The following ADAMTS19 variants were observed in gnomAD, a reference collection of about 807,000 sequenced individuals.
ADAMTS19 encodes the protein A disintegrin and metalloproteinase with thrombospondin motifs 19.
ADAMTS19 carries 93 observed loss-of-function variants against 153.3 expected under a neutral mutation model. The observed-to-expected ratio is 0.61, with a 90% CI of 0.51 to 0.72. ADAMTS19 has a LOEUF of 0.72. ADAMTS19 is among the 30% of genes least tolerant of loss of function. The pLI, the probability that ADAMTS19 is intolerant of heterozygous loss-of-function variation, is 0.00. For missense variants in ADAMTS19, 1,482 were observed against 1,552.1 expected, an observed-to-expected ratio of 0.95 and a Z score of 0.76; for synonymous variants, 600 against 556.6, an observed-to-expected ratio of 1.08 and a Z score of -1.10.
intron 3 of ADAMTS19, among the ~76,000 whole-genome samples, chr5:129,517,577 A>G (rs1261954026): frequency 1.3e-5 from 2 of 151,638 alleles, no homozygotes; most frequent in African/African-American, 4.8e-5. Context: ...CTTGAAATCT[A>G]TTTTGTCTGA....
rs73232332 is a variant in ADAMTS19, at chr5:129,619,653, A to G, written c.1479-965A>G. On this transcript the variant is annotated intron_variant, in intron 8 of 22. Transcript: ENST00000274487. ...CAGGGTAGGAGGAGGGGAAGGGAGA[A>G]TGTTGGTAAAGATTAGAGGGACAGA... Among the ~76,000 whole-genome samples the G allele has an allele frequency of 7.8e-3, 1,181 of 152,058 alleles. 15 individuals are homozygous for G. The highest frequency in any genetic ancestry group is 0.027 in the African/African-American group (1,132 of 41,534).
At chr5:129,674,121 C>A (rs1242513396) in intron 16 of ADAMTS19, among the ~76,000 whole-genome samples, 1 of 151,974 alleles carries the variant, frequency 6.6e-6, no homozygotes, top group Non-Finnish European at 1.5e-5. Context: ...ATCCCAGCTA[C>A]TCAGGAGGCT....
At chr5:129,677,800 CT>C in intron 16 of ADAMTS19, among the ~76,000 whole-genome samples, 2 of 152,156 alleles carry the variant, frequency 1.3e-5, no homozygotes, top group African/African-American at 4.8e-5. Flanking sequence ...TTTCGAAATA[CT>C]TTAAAGCTTT....
intron 21 of ADAMTS19, 150 bp from the exon 22 acceptor site, chr5:129,734,782 T>C (rs1191922210): frequency 1.5e-6 from 1 of 658,036 alleles, no homozygotes; most frequent in African/African-American, 1.9e-5. Context: ...AGCATCAATG[T>C]TTCTGACCCA....
intron 4 of ADAMTS19, chr5:129,526,658 C>G (rs1752019290): frequency 2.0e-6 from 1 of 494,306 alleles, no homozygotes. Context: ...CTTGTAAACC[C>G]TTGTTAATTT....
rs538374615 is a variant in ADAMTS19 at position 129,650,493 on chromosome 5, G to A, written c.2176+1523G>A. On this transcript the variant is annotated intron_variant, in intron 13 of 22. Coordinates refer to ENST00000274487, the MANE Select transcript of ADAMTS19 (RefSeq NM_133638.6). ...ATTCCACTACTAGTGGTGGTGGGGGGAAATATAGCAGCCACCAGATTACCT... is the reference window on the plus strand; with the variant it reads ...ATTCCACTACTAGTGGTGGTGGGGGAAAATATAGCAGCCACCAGATTACCT... Among the ~76,000 whole-genome samples, 717 of 152,136 alleles carry A rather than the reference G, an allele frequency of 4.7e-3. 8 individuals carry two copies. The highest frequency in any genetic ancestry group is 0.016 in the African/African-American group (668 of 41,492).
Position 129,461,312 on chromosome 5 carries a change from T to C in ADAMTS19, c.302T>C (p.Val101Ala), listed in dbSNP as rs1749646522. 3.8e-6 allele frequency: 5 copies of C among 1,322,776 alleles called. No individual in the cohort carries two copies. Among genetic ancestry groups the C allele is most frequent in the Non-Finnish European group, 4.8e-6 (5 of 1,044,624 alleles). 81.9% of individuals were successfully genotyped at this position (1,322,776 alleles called of 1,614,324 possible). ...SVAPVPLEEP[V>A]EGRSESRLRP... is the part of the protein sequence containing the mutation. ...GCTCCGGTGCCTTTGGAGGAGCCCG[T>C]GGAGGGCCGATCAGAGTCCCGGCTC... is the stretch of plus-strand genomic sequence containing the variant. The change falls in exon 2 of 23, where the codon GTG (valine) becomes GCG (alanine). Residue 101 changes from valine (V) to alanine (A), a missense_variant. Coordinates refer to ENST00000274487, the MANE Select transcript of ADAMTS19 (RefSeq NM_133638.6). This position sits in a 1 kb window ranked among gnomAD's most constrained non-coding sequence, Gnocchi z 4.6.
At chr5:129,671,974 C>G (rs138478091) in intron 16 of ADAMTS19, among the ~76,000 whole-genome samples, 20 of 152,242 alleles carry the variant, frequency 1.3e-4, no homozygotes, top group African/African-American at 4.8e-4. Context: ...GTCATTTAGT[C>G]TCTTTGGGCT....
At chr5:129,561,130 G>T (rs1398870037) in intron 7 of ADAMTS19, among the ~76,000 whole-genome samples, 1 of 152,136 alleles carries the variant, frequency 6.6e-6, no homozygotes, top group East Asian at 1.9e-4. Context: ...ACAAAAATTA[G>T]CTATATTATC....
intron 21 of ADAMTS19, among the ~76,000 whole-genome samples, chr5:129,721,291 A>G (rs1756996658): frequency 6.6e-6 from 1 of 152,234 alleles, no homozygotes; most frequent in African/African-American, 2.4e-5. Flanking sequence ...TATATAAAAT[A>G]ATGAAAATTT....
At chr5:129,694,617 AGTT>A in intron 18 of ADAMTS19, 100 bp from the exon 19 acceptor site, 1 of 769,980 alleles carries the variant, frequency 1.3e-6, no homozygotes, top group Non-Finnish European at 1.7e-6. Flanking sequence ...ATTATAAAAA[AGTT>A]TTTTAAATAA....
chr5:129,475,864 C>T (rs933253714), intron 2 of ADAMTS19, among the ~76,000 whole-genome samples: 34 of 152,194 alleles, frequency 2.2e-4, no homozygotes, highest in African/African-American at 6.3e-4. Context: ...GCCATTCTGG[C>T]CTCTTTATAT....
chr5:129,465,162 T>C (rs1749811824), intron 2 of ADAMTS19, among the ~76,000 whole-genome samples: 1 of 152,170 alleles, frequency 6.6e-6, no homozygotes, highest in Non-Finnish European at 1.5e-5. Context: ...TGGCACTCAA[T>C]AAAAATCACT....
At position 129,658,625 on chromosome 5, in the gene ADAMTS19, CTGTGATGGT is replaced by C; in HGVS notation, c.2315_2323del (p.Cys772_Gly774del). ...TCACTCTCTTGTTACAGAAAGTTGG[CTGTGATGGT>C]TTATTAGGGTCTCTTGCAAGAGAAG... is the stretch of plus-strand genomic sequence containing the variant. On this transcript the variant is annotated inframe_deletion, in exon 15 of 23. Coordinates refer to ENST00000274487, the MANE Select transcript of ADAMTS19 (RefSeq NM_133638.6). 1 of 1,610,414 alleles carries C rather than the reference CTGTGATGGT, an allele frequency of 6.2e-7. No homozygotes were observed. The highest frequency in any genetic ancestry group is 8.5e-7 in the Non-Finnish European group (1 of 1,178,592).
intron 2 of ADAMTS19, among the ~76,000 whole-genome samples, chr5:129,497,889 G>T (rs1436049034): frequency 6.6e-6 from 1 of 151,744 alleles, no homozygotes; most frequent in Admixed American, 6.6e-5. Flanking sequence ...TCTACTTTTG[G>T]TCACCCTAGA....
In ADAMTS19 at chr5:129,527,766, C is replaced by T. The variant is rs1414122740; in HGVS notation, c.1105C>T (p.His369Tyr). The T allele has an allele frequency of 6.3e-7, 1 of 1,584,044 alleles. No homozygotes were observed. The highest frequency in any genetic ancestry group is 1.7e-5 in the Admixed American group (1 of 58,880). The change falls in exon 5 of 23, where the codon CAC (histidine) becomes TAC (tyrosine). Residue 369 changes from histidine (H) to tyrosine (Y), a missense_variant. By Grantham distance (83) the His-to-Tyr change is moderately conservative. Transcript: ENST00000274487. The part of the protein sequence containing the change: ...ILNMVFNLFQ[H>Y]KSLSVQVNLR... ...TTTTTAGGTATTTAACCTTTTCCAA[C>T]ACAAGAGTCTGAGTGTGCAGGTCAA... is the stretch of plus-strand genomic sequence containing the variant.
intron 10 of ADAMTS19, among the ~76,000 whole-genome samples, chr5:129,636,663 A>G (rs1752548248): frequency 6.6e-6 from 1 of 152,200 alleles, no homozygotes; most frequent in African/African-American, 2.4e-5. Context: ...TATTCAGTGG[A>G]CAGTGGTCAA....
In ADAMTS19 at chr5:129,461,245, C is replaced by A; in HGVS notation, c.235C>A (p.Arg79=). 1.6e-6 allele frequency: 2 copies of A among 1,263,028 alleles called. No individual in the cohort carries two copies. The highest frequency in any genetic ancestry group is 3.2e-5 in the East Asian group (1 of 31,428). The allele number at this position is 1,263,028 out of a possible 1,614,324, so 78.2% of individuals were successfully genotyped here. A position where few individuals can be genotyped will look rare whatever the true frequency, so the allele number is the denominator to read the frequency against. Residue 79 remains arginine, a synonymous_variant, in exon 2 of 23, where the codon CGG becomes AGG. Transcript: ENST00000274487. This position sits in a 1 kb window ranked among gnomAD's most constrained non-coding sequence, Gnocchi z 4.6. ...CGGCGTTGGGGGCGGCGGAAGCGCC[C>A]GGGCGCAGGCTGCCGGCAGCTCACG... is the stretch of plus-strand genomic sequence containing the variant. ...VRGVGGGGSA[R]AQAAGSSREV...
At chr5:129,520,058 A>G (rs1313143084) in intron 3 of ADAMTS19, among the ~76,000 whole-genome samples, 2 of 152,188 alleles carry the variant, frequency 1.3e-5, no homozygotes, top group Non-Finnish European at 2.9e-5. Context: ...CAAGAGAATC[A>G]GCATTTTAAA....
Sources: allele counts gnomAD v4.1 joint callset (sites outside exome capture counted in the v4.1 genomes callset), GRCh38; gene constraint gnomAD v4.1.1; non-coding constraint Gnocchi (gnomAD v3.1); transcripts MANE v1.5; gene names NCBI Gene and HGNC (gene_info 2026-07-23, HGNC 2026-07-21).